Variants in TRIM16 observed in about 807,000 individuals in gnomAD.
TRIM16 encodes the protein tripartite motif containing 16.
A neutral mutation model predicts 50.4 loss-of-function variants in TRIM16; 33 were observed. The ratio of observed to expected loss-of-function variants is 0.65; its 90% CI spans 0.50 to 0.88. The LOEUF (loss-of-function observed/expected upper bound fraction) is 0.88, where lower values mean the gene tolerates loss of function less well. TRIM16 is among the 40% of genes least tolerant of loss of function. The pLI is 0.00. For missense variants in TRIM16, 581 were observed against 686.8 expected (o/e 0.85, Z 1.72); for synonymous variants, 229 against 270.7 (o/e 0.85, Z 1.51).
chr17:15,658,135 T>C (rs889796006), intron 6 of TRIM16, among the ~76,000 whole-genome samples: 3 of 152,192 alleles, frequency 2.0e-5, no homozygotes, highest in African/African-American at 7.2e-5. Flanking sequence ...AGTATTCATC[T>C]TTCATCCTGT....
At chr17:15,668,662 A>G (rs896678129) in intron 6 of TRIM16, among the ~76,000 whole-genome samples, 33 of 151,366 alleles carry the variant, frequency 2.2e-4, no homozygotes, top group Non-Finnish European at 4.9e-4. Context: ...TGCACATGAA[A>G]ACACACCACC....
chr17:15,629,661 T>C (rs1216045069), intron 11 of TRIM16, among the ~76,000 whole-genome samples: 6 of 152,260 alleles, frequency 3.9e-5, no homozygotes, highest in Non-Finnish European at 8.8e-5. Context: ...CATGAAGAAC[T>C]CTCAAACACG....
chr17:15,634,346 T>C lies in TRIM16; in HGVS notation c.850-1672A>G, dbSNP rs554820214. ...CTCCGTCTCGAAAAAACAAAAAAAA[T>C]TGGCCGGGCGCGGTGGCTCACTCCT... On this transcript the variant is annotated intron_variant, in intron 9 of 11. Transcript: ENST00000649191. Among the ~76,000 whole-genome samples the C allele has an allele frequency of 8.2e-5, 11 of 133,838 alleles. 1 individual carries two copies. The highest frequency in any genetic ancestry group is 3.1e-4 in the African/African-American group (11 of 35,316). The allele number at this position is 133,838 out of a possible 152,430, so 87.8% of individuals were successfully genotyped here.
chr17:15,645,155 C>T (rs1235207058), intron 7 of TRIM16, among the ~76,000 whole-genome samples: 1 of 152,170 alleles, frequency 6.6e-6, no homozygotes, highest in Non-Finnish European at 1.5e-5. Context: ...ACTTCCATTT[C>T]TTCACCTGTG....
chr17:15,639,191 G>A (rs1390508043), intron 8 of TRIM16, among the ~76,000 whole-genome samples: 3 of 142,914 alleles, frequency 2.1e-5, no homozygotes, highest in Admixed American at 6.8e-5. Context: ...AACCACAGGT[G>A]CATGCCTTCA....
chr17:15,660,665 G>A (rs939028724), intron 6 of TRIM16, among the ~76,000 whole-genome samples: 3 of 152,092 alleles, frequency 2.0e-5, no homozygotes, highest in East Asian at 1.9e-4. Context: ...TTGGGAGGCC[G>A]AGGTGGGTGG....
chr17:15,658,728 T>C (rs754931015), intron 6 of TRIM16: 7 of 886,604 alleles, frequency 7.9e-6, no homozygotes, highest in Non-Finnish European at 9.5e-6. Context: ...TCGTAAAATC[T>C]CAAAGTCTGA....
rs570022659 is a variant in TRIM16, at chr17:15,628,944, G to C, written c.1366C>G (p.Arg456Gly). The change falls in exon 12 of 12, where the codon CGC becomes GGC. Residue 456 changes from arginine to glycine, a missense_variant. Around this residue, in one of 3 missense-constraint regions of TRIM16, gnomAD observed 115 missense variants for 106.7 expected, o/e 1.08. Coordinates refer to ENST00000649191, the MANE Select transcript of TRIM16 (RefSeq NM_001348119.1). Reference protein sequence around the residue: ...CKGIDRKGEERNSCISGNNFS... With the variant: ...CKGIDRKGEEGNSCISGNNFS... ...TTGTTTCCGGAAATGCAACTGTTGCGCTCCTCCCCTTTCCGGTCGATGCCT... is the reference window on the plus strand; with the variant it reads ...TTGTTTCCGGAAATGCAACTGTTGCCCTCCTCCCCTTTCCGGTCGATGCCT... 1.9e-6 allele frequency: 3 copies of C among 1,614,212 alleles called. No homozygotes were observed. In the South Asian group the frequency reaches 3.3e-5, roughly 18 times the overall value.
chr17:15,657,632 AC>A (rs1309634955), intron 6 of TRIM16, among the ~76,000 whole-genome samples: 1 of 152,196 alleles, frequency 6.6e-6, no homozygotes, highest in Non-Finnish European at 1.5e-5. Flanking sequence ...GTGAAATCAT[AC>A]AGTGTTTGTC....
At chr17:15,652,076 G>T in intron 6 of TRIM16, 130 bp from the exon 7 acceptor site, 1 of 582,850 alleles carries the variant, frequency 1.7e-6, no homozygotes, top group Non-Finnish European at 2.2e-6. Context: ...CACCAGGACA[G>T]CCATTCATCT....
chr17:15,645,016 A>G (rs1312439613), intron 7 of TRIM16, among the ~76,000 whole-genome samples: 6 of 152,130 alleles, frequency 3.9e-5, no homozygotes, highest in African/African-American at 1.4e-4. Context: ...GGGTTTCACT[A>G]TGTTGGCCAG....
chr17:15,678,859 T>C (rs1401642148), intron 4 of TRIM16, among the ~76,000 whole-genome samples: 3 of 144,152 alleles, frequency 2.1e-5, no homozygotes, highest in Non-Finnish European at 4.5e-5. Context: ...TATTTACGAC[T>C]GGAGAAATGC....
chr17:15,681,275 T>G (rs1447631362), intron 3 of TRIM16: 1 of 184,110 alleles, frequency 5.4e-6, no homozygotes, highest in African/African-American at 2.3e-5. Context: ...CTTAAAGACC[T>G]CCAGGCTCAA....
At chr17:15,681,569 A>G (rs1178054511) in intron 3 of TRIM16, among the ~76,000 whole-genome samples, 1 of 152,238 alleles carries the variant, frequency 6.6e-6, no homozygotes, top group Non-Finnish European at 1.5e-5. Context: ...TTGTGAATGA[A>G]TTAATGAATG....
chr17:15,637,322 AG>A (rs1389146219), intron 8 of TRIM16, among the ~76,000 whole-genome samples: 1 of 107,502 alleles, frequency 9.3e-6, no homozygotes, highest in African/African-American at 4.3e-5. Context: ...CAGCCCGGCC[AG>A]CCACCCCGTC....
chr17:15,681,142 G>A (rs573348791), intron 3 of TRIM16, 189 bp from the exon 4 acceptor site: 3 of 521,048 alleles, frequency 5.8e-6, no homozygotes, highest in East Asian at 3.6e-5. Context: ...ATAAACTCAG[G>A]GAAAGGTATG....
chr17:15,655,196 T>C (rs1358515290), intron 6 of TRIM16, among the ~76,000 whole-genome samples: 1 of 152,192 alleles, frequency 6.6e-6, no homozygotes, highest in African/African-American at 2.4e-5. Context: ...AGTGACCTGG[T>C]ACTGGAGGCT....
chr17:15,677,774 G>A, intron 4 of TRIM16, 53 bp from the exon 5 acceptor site: 1 of 983,980 alleles, frequency 1.0e-6, no homozygotes, highest in Non-Finnish European at 1.2e-6. Flanking sequence ...GGGATGGAGA[G>A]GAAATAGATT....
intron 6 of TRIM16, among the ~76,000 whole-genome samples, chr17:15,653,585 T>A (rs563665996): frequency 6.6e-6 from 1 of 152,354 alleles, no homozygotes; most frequent in South Asian, 2.1e-4. Flanking sequence ...TTTGTACGTA[T>A]CTGTGTCCTA....
Sources: gnomAD v4.1 joint callset for allele counts (sites outside exome capture counted in the v4.1 genomes callset) on GRCh38, gnomAD v4.1.1 for gene constraint, gnomAD v4.1.1 regional missense constraint, MANE v1.5 for transcripts, NCBI Gene and HGNC (gene_info 2026-07-23, HGNC 2026-07-21) for gene names.